Variants in SPTBN5 observed in about 807,000 individuals in gnomAD.
SPTBN5 encodes spectrin beta, non-erythrocytic 5.
In SPTBN5, 513 loss-of-function variants were observed where a neutral mutation model predicts 477.6. That is an observed-to-expected ratio of 1.07 (90% CI 1.00 to 1.16). The LOEUF (loss-of-function observed/expected upper bound fraction) is 1.16. Ranked by LOEUF, SPTBN5 falls within the 50% of genes most tolerant of loss-of-function variation. SPTBN5 has a pLI of 0.00. For missense variants in SPTBN5, 5,062 were observed against 4,731.8 expected, an observed-to-expected ratio of 1.07 and a Z score of -2.05; for synonymous variants, 2,169 against 2,011.7, an observed-to-expected ratio of 1.08 and a Z score of -2.09.
In SPTBN5 at chr15:41,867,476, C is replaced by T. The variant is rs192768903; in HGVS notation, c.6312+62G>A. 798 of 1,498,350 alleles carry T rather than the reference C, an allele frequency of 5.3e-4. 5 individuals are homozygous for T. The African/African-American group carries it at 9.7e-3, about 18-fold the overall frequency. The allele number at this position is 1,498,350 out of a possible 1,614,324, so 92.8% of individuals were successfully genotyped here. A position where few individuals can be genotyped will look rare whatever the true frequency, so the allele number is the denominator to read the frequency against. On this transcript the variant is annotated intron_variant, in intron 35 of 67. Coordinates refer to ENST00000320955, the MANE Select transcript of SPTBN5 (RefSeq NM_016642.4). ...GAACACACCAAGCGCCCCGTGACCC[C>T]CTTCAGGACTCTCTCCCAACCACCA...
chr15:41,870,536 C>T lies in SPTBN5; in HGVS notation c.5472G>A (p.Glu1824=). The T allele has an allele frequency of 1.2e-6, 2 of 1,610,260 alleles. No homozygotes were observed. The highest frequency in any genetic ancestry group is 8.5e-7 in the Non-Finnish European group (1 of 1,179,734). The part of the protein sequence containing the change: ...DLQTAWSELW[E]LTQARGHALR... ...GCGCGTGGCCTCGGGCCTGGGTCAGCTCCCACAGCTCCGACCAGGCGGTCC... is the reference window on the plus strand; with the variant it reads ...GCGCGTGGCCTCGGGCCTGGGTCAGTTCCCACAGCTCCGACCAGGCGGTCC... Residue 1824 remains glutamate (E), a synonymous_variant, in exon 30 of 68, where the codon GAG becomes GAA. Transcript: ENST00000320955.
chr15:41,868,683 CACCTGAGTCCACTCACACAGCCCGAGCCG>C, intron 32 of SPTBN5, 82 bp from the exon 33 acceptor site: 1 of 1,414,828 alleles, frequency 7.1e-7, no homozygotes, highest in Non-Finnish European at 9.7e-7. Flanking sequence ...AACTGCAGCC[CACCTGAGTCCACTCACACAGCCCGAGCCG>C]ACCTGGGTCA....
In SPTBN5 at chr15:41,877,109, T is replaced by C; in HGVS notation, c.3711+7A>G. ...TGACAGCCTAGCTCCACATTCCTGC[T>C]CCATACCCCAAGGTTGTCCAGGTGC... On this transcript the variant is annotated splice_region_variant and intron_variant, in intron 18 of 67. Transcript: ENST00000320955. 6.2e-7 allele frequency: 1 copy of C among 1,613,668 alleles called. No homozygotes were observed. Among genetic ancestry groups the C allele is most frequent in the Non-Finnish European group, 8.5e-7 (1 of 1,179,772 alleles).
Position 41,850,857 on chromosome 15 carries a change from C to T in SPTBN5, c.10918G>A (p.Ala3640Thr), listed in dbSNP as rs942077228. The part of the protein sequence containing the change: ...ESWWRALGST[A>T]AQSLSPKLKA... ...GCATCCTTCCCCTGAAGCCCACCTG[C>T]AGTGCTGCCCAGGGCTCGCCACCAG... Residue 3640 changes from alanine to threonine, a missense_variant, in exon 66 of 68, where the codon GCA (alanine) becomes ACA (threonine). Ala to Thr is a moderately conservative substitution (Grantham distance 58). Transcript: ENST00000320955. 3.1e-6 allele frequency: 5 copies of T among 1,594,674 alleles called. No individual in the cohort carries two copies. The African/African-American group carries it at 5.4e-5, about 17-fold the overall frequency.
intron 17 of SPTBN5, among the ~76,000 whole-genome samples, chr15:41,878,024 G>A (rs79057802): frequency 0.023 from 3,565 of 151,912 alleles, 67 homozygotes; most frequent in Non-Finnish European, 0.036. Context: ...AGGACGGCAG[G>A]GGGGGCTAGA....
intron 66 of SPTBN5, 154 bp downstream of exon 66, chr15:41,850,700 C>CTAAATTCTTTG (rs1417785883): frequency 2.3e-5 from 16 of 708,144 alleles, no homozygotes; most frequent in Non-Finnish European, 3.4e-5. Flanking sequence ...TCTCCAGGAC[C>CTAAATTCTTTG]TAAATTCTTT....
intron 32 of SPTBN5, among the ~76,000 whole-genome samples, chr15:41,869,081 T>G (rs1175781275): frequency 6.6e-6 from 1 of 152,218 alleles, no homozygotes; most frequent in African/African-American, 2.4e-5. Flanking sequence ...TTCTGCTGAT[T>G]TGTGTACAAC....
At chr15:41,852,769 T>TG (rs370153269) in intron 60 of SPTBN5, 34 bp from the exon 61 acceptor site, 72,606 of 1,139,816 alleles carry the variant, frequency 0.064, 774 homozygotes, top group African/African-American at 0.17. Context: ...ACGCCCAGCT[T>TG]GGGGGGGGGG....
rs200785493 is a variant in SPTBN5, at chr15:41,885,775, G to A, written c.1480C>T (p.Arg494Trp). 4.1e-4 allele frequency: 641 copies of A among 1,557,866 alleles called. 2 individuals are homozygous for A. Among genetic ancestry groups the A allele is most frequent in the Middle Eastern group, 2.0e-3 (12 of 5,992 alleles). ...GCCCAGCTGTGGTACTGCTCCTGCC[G>A]GAGGATGTCTGCGATCTCAGCCAGG... ...QALAEIADILRQEQYHSWADV... is the reference protein window; with the variant it reads ...QALAEIADILWQEQYHSWADV... Residue 494 changes from arginine (R) to tryptophan (W), a missense_variant, in exon 7 of 68, where the codon CGG (arginine) becomes TGG (tryptophan). Transcript: ENST00000320955.
chr15:41,876,031 C>T (rs2066711919), intron 21 of SPTBN5, 83 bp downstream of exon 21: 8 of 1,497,938 alleles, frequency 5.3e-6, no homozygotes, highest in Middle Eastern at 2.1e-4. Flanking sequence ...CCTTCAAAGA[C>T]TCTTCCATGA....
chr15:41,848,580 G>T lies in SPTBN5; in HGVS notation c.*36C>A. 1 of 1,613,474 alleles carries T rather than the reference G, an allele frequency of 6.2e-7. No homozygotes were observed. The highest frequency in any genetic ancestry group is 8.5e-7 in the Non-Finnish European group (1 of 1,179,406). On this transcript the variant is annotated 3_prime_UTR_variant, in exon 68 of 68. Transcript: ENST00000320955. ...TGGTCCCTTAGATGTGTCCTCGCTT[G>T]TGCCCCTGAAGTTTGGTGTTGCACT...
In SPTBN5 at chr15:41,876,242, C is replaced by G. The variant is rs899477837; in HGVS notation, c.3994G>C (p.Glu1332Gln). The change falls in exon 21 of 68, where the codon GAG (glutamate) becomes CAG (glutamine). Residue 1332 changes from glutamate to glutamine, a missense_variant. Physicochemically the swap from Glu to Gln is conservative, Grantham distance 29. Coordinates refer to ENST00000320955, the MANE Select transcript of SPTBN5 (RefSeq NM_016642.4). ...TCATGCGCAGCCATCAGCCCCTTCTCTTCCATCCACTGCATCAGCTCTGCC... is the reference window on the plus strand; with the variant it reads ...TCATGCGCAGCCATCAGCCCCTTCTGTTCCATCCACTGCATCAGCTCTGCC... ...DVAELMQWME[E>Q]KGLMAAHEPS... The G allele has an allele frequency of 1.9e-6, 3 of 1,597,078 alleles. No individual in the cohort carries two copies. Among genetic ancestry groups the G allele is most frequent in the Non-Finnish European group, 2.6e-6 (3 of 1,174,686 alleles).
rs368611780 is a variant in SPTBN5 at position 41,858,586 on chromosome 15, G to A, written c.8226+16C>T. On this transcript the variant is annotated intron_variant, in intron 49 of 67. Transcript: ENST00000320955. ...TGGAGAGCTGTCCCACCACCCTCCT[G>A]CCTGCAGGGCCTCACCCGCTGCAGC... is the stretch of plus-strand genomic sequence containing the variant. The A allele has an allele frequency of 6.2e-7, 1 of 1,606,310 alleles. No homozygotes were observed. The highest frequency in any genetic ancestry group is 1.3e-5 in the African/African-American group (1 of 74,872).
rs2066866018 is a variant in SPTBN5 at position 41,879,351 on chromosome 15, A to G, written c.3091T>C (p.Ser1031Pro). 6.2e-7 allele frequency: 1 copy of G among 1,609,424 alleles called. No homozygotes were observed. Among genetic ancestry groups the G allele is most frequent in the Non-Finnish European group, 8.5e-7 (1 of 1,179,716 alleles). ...LQLEALQPGSSEDTCHALQLA... is the reference protein window; with the variant it reads ...LQLEALQPGSPEDTCHALQLA... ...TGCAGGGCGTGGCAGGTGTCCTCTG[A>G]GCTCCCTGGCTGCAGGGCCTCCAGC... Residue 1031 changes from serine to proline, a missense_variant, in exon 16 of 68, where the codon TCA becomes CCA. Physicochemically the swap from Ser to Pro is moderately conservative, Grantham distance 74 (BLOSUM62 -1). Transcript: ENST00000320955.
At chr15:41,878,658 G>A in intron 16 of SPTBN5, 29 bp from the exon 17 acceptor site, 1 of 1,594,404 alleles carries the variant, frequency 6.3e-7, no homozygotes, top group South Asian at 1.1e-5. Context: ...TGCACAGTCA[G>A]TGCCCTGTCC....
At position 41,882,610 on chromosome 15, in the gene SPTBN5, A is replaced by G; in HGVS notation, c.2021T>C (p.Ile674Thr). 6.2e-7 allele frequency: 1 copy of G among 1,605,174 alleles called. No homozygotes were observed. Among genetic ancestry groups the G allele is most frequent in the African/African-American group, 1.3e-5 (1 of 74,944 alleles). ...NAALGRDLSQ[I>T]AGALQKHKAL... ...CTTGTGTTTCTGCAGGGCGCCTGCG[A>G]TCTGGCTGAGATCCCGGCCCAGGGC... The change falls in exon 10 of 68, where the codon ATC becomes ACC. Residue 674 changes from isoleucine to threonine, a missense_variant. Coordinates refer to ENST00000320955, the MANE Select transcript of SPTBN5 (RefSeq NM_016642.4).
chr15:41,880,715 G>A (rs1195812455), intron 13 of SPTBN5, among the ~76,000 whole-genome samples: 3 of 152,260 alleles, frequency 2.0e-5, no homozygotes, highest in East Asian at 3.9e-4. Flanking sequence ...CGCTTCCTCC[G>A]CTGGGCCCCC....
At chr15:41,859,568 T>C (rs367978069) in intron 47 of SPTBN5, among the ~76,000 whole-genome samples, 2 of 152,138 alleles carry the variant, frequency 1.3e-5, no homozygotes, top group East Asian at 1.9e-4. Context: ...TGGGTCCTAA[T>C]CCAGTGTGAC....
chr15:41,870,268 C>A lies in SPTBN5; in HGVS notation c.5648G>T (p.Arg1883Leu). The change falls in exon 31 of 68, where the codon CGA becomes CTA. Residue 1883 changes from arginine (R) to leucine (L), a missense_variant. Coordinates refer to ENST00000320955, the MANE Select transcript of SPTBN5 (RefSeq NM_016642.4). Reference sequence around the variant, plus strand: ...CTGCCGCTCGGTGCCCACGAGTTCTCGCTCCAGCCCCTGGTGGCTTCTCAG... The same window carrying A: ...CTGCCGCTCGGTGCCCACGAGTTCTAGCTCCAGCCCCTGGTGGCTTCTCAG... ...AQLRSHQGLE[R>L]ELVGTERQLQ... 6.4e-7 allele frequency: 1 copy of A among 1,551,728 alleles called. No individual in the cohort carries two copies. The highest frequency in any genetic ancestry group is 1.7e-4 in the Middle Eastern group (1 of 5,972).
Sources: allele counts gnomAD v4.1 joint callset (sites outside exome capture counted in the v4.1 genomes callset), GRCh38; gene constraint gnomAD v4.1.1; transcripts MANE v1.5; gene names NCBI Gene and HGNC (gene_info 2026-07-23, HGNC 2026-07-21).